CADPS: variants seen among roughly 807,000 people sequenced by gnomAD.
CADPS encodes calcium-dependent secretion activator 1.
Under a neutral mutation model 167.3 loss-of-function variants are expected in CADPS, and 57 were observed. The observed-to-expected ratio is 0.34, with a 90% CI of 0.28 to 0.42. CADPS has a LOEUF of 0.42. Among genes scored for constraint, CADPS ranks in the 20% least tolerant of loss-of-function variants. CADPS has a pLI of 1.00. For missense variants in CADPS, 1,414 were observed against 1,738.1 expected, an observed-to-expected ratio of 0.81 and a Z score of 3.32; for synonymous variants, 676 against 635.3, an observed-to-expected ratio of 1.06 and a Z score of -0.96.
chr3:62,693,052 C>A (rs1215228849), intron 3 of CADPS, among the ~76,000 whole-genome samples: 3 of 151,916 alleles, frequency 2.0e-5, no homozygotes, highest in Admixed American at 2.0e-4. Flanking sequence ...CAAGTTTTTC[C>A]CCATCCCAGA....
intron 21 of CADPS, among the ~76,000 whole-genome samples, chr3:62,490,430 G>A (rs1456384143): frequency 6.6e-6 from 1 of 152,134 alleles, no homozygotes; most frequent in Non-Finnish European, 1.5e-5. Context: ...TATTTTTTCA[G>A]AAAGGGGAGT....
chr3:62,838,205 A>G (rs751102889), intron 1 of CADPS, among the ~76,000 whole-genome samples: 18 of 152,286 alleles, frequency 1.2e-4, no homozygotes, highest in Admixed American at 2.6e-4. Flanking sequence ...TACTGACCTC[A>G]CTAATGAATG....
At chr3:62,779,219 G>T in intron 1 of CADPS, 1 of 271,768 alleles carries the variant, frequency 3.7e-6, no homozygotes, top group South Asian at 5.4e-5. Context: ...TTTTGGGCTG[G>T]AGTGTTTTGA....
intron 1 of CADPS, among the ~76,000 whole-genome samples, chr3:62,860,196 T>C (rs1460829416): frequency 6.6e-6 from 1 of 152,180 alleles, no homozygotes; most frequent in Non-Finnish European, 1.5e-5. Flanking sequence ...ATCCTATTTG[T>C]TCCTCAGCTG....
intron 26 of CADPS, among the ~76,000 whole-genome samples, chr3:62,456,816 G>A (rs1325426761): frequency 1.3e-5 from 2 of 151,066 alleles, no homozygotes; most frequent in African/African-American, 4.9e-5. Flanking sequence ...AAGTAAGATA[G>A]TGTTTGCCAA....
intron 6 of CADPS, among the ~76,000 whole-genome samples, chr3:62,630,325 AT>A (rs1444025750): frequency 6.6e-6 from 1 of 152,078 alleles, no homozygotes; most frequent in Non-Finnish European, 1.5e-5. Flanking sequence ...CCGAATCTGT[AT>A]TTTGCCCCAG....
intron 1 of CADPS, among the ~76,000 whole-genome samples, chr3:62,810,430 G>A (rs906641602): frequency 6.6e-6 from 1 of 152,096 alleles, no homozygotes; most frequent in African/African-American, 2.4e-5. Flanking sequence ...TCATTCATGA[G>A]TATCAATTTC....
At chr3:62,739,170 C>T (rs1286169959) in intron 3 of CADPS, among the ~76,000 whole-genome samples, 5 of 152,182 alleles carry the variant, frequency 3.3e-5, no homozygotes. Context: ...TTCCAGAGTC[C>T]TTGTACTTTC....
intron 6 of CADPS, among the ~76,000 whole-genome samples, chr3:62,604,394 G>A (rs1337407595): frequency 6.6e-6 from 1 of 152,200 alleles, no homozygotes; most frequent in African/African-American, 2.4e-5. Flanking sequence ...GGTGAGGACA[G>A]GAACAATGAC....
chr3:62,839,094 T>G (rs79245595), intron 1 of CADPS, among the ~76,000 whole-genome samples: 6 of 152,190 alleles, frequency 3.9e-5, no homozygotes, highest in Admixed American at 1.3e-4. Context: ...GGGATACACA[T>G]GAAGATGCTT....
At chr3:62,491,757 C>G (rs1275022623) in intron 20 of CADPS, among the ~76,000 whole-genome samples, 2 of 152,034 alleles carry the variant, frequency 1.3e-5, no homozygotes, top group South Asian at 4.1e-4. Flanking sequence ...ACAACAGAAA[C>G]AACAATCCAC....
chr3:62,518,995 A>G (rs2069724225), intron 13 of CADPS, among the ~76,000 whole-genome samples: 1 of 152,208 alleles, frequency 6.6e-6, no homozygotes, highest in African/African-American at 2.4e-5. Flanking sequence ...TTTGATCATC[A>G]TATTCTCATG....
rs536254696 is a variant in CADPS, at chr3:62,778,495, G to A, written c.442-12511C>T. Among the ~76,000 whole-genome samples the A allele has an allele frequency of 2.6e-5, 4 of 152,200 alleles. No individual in the cohort carries two copies. In the South Asian group the frequency reaches 8.3e-4, roughly 32 times the overall value. On this transcript the variant is annotated intron_variant, in intron 1 of 29. Transcript: ENST00000383710. ...CTACTTCAGATCACTTCTCTCTGAT[G>A]GCTCCTTCCAGCCTCTGAATGATAC...
At chr3:62,747,523 A>C (rs1478992459) in intron 3 of CADPS, among the ~76,000 whole-genome samples, 1 of 152,216 alleles carries the variant, frequency 6.6e-6, no homozygotes, top group Non-Finnish European at 1.5e-5. Flanking sequence ...TGTGTTCATC[A>C]AGTTCAAGGA....
intron 1 of CADPS, among the ~76,000 whole-genome samples, chr3:62,797,458 A>G (rs1175352224): frequency 6.6e-6 from 1 of 152,172 alleles, no homozygotes; most frequent in Non-Finnish European, 1.5e-5. Context: ...TTGATAGAGA[A>G]GATAGATATT....
rs6791778 is a variant in CADPS at position 62,836,646 on chromosome 3, G to A, written c.441+37943C>T. 2.0e-3 allele frequency among the ~76,000 whole-genome samples: 308 copies of A among 152,256 alleles called. 2 individuals carry two copies. The highest frequency in any genetic ancestry group is 7.1e-3 in the African/African-American group (294 of 41,558). ...AATCAATGGGGCTGTAGTAAAAGGT[G>A]TCTTTGGAAGCTAAGCTGGAGAAGG... On this transcript the variant is annotated intron_variant, in intron 1 of 29. Transcript: ENST00000383710.
Position 62,765,767 on chromosome 3 carries a change from A to G in CADPS, c.555+104T>C, listed in dbSNP as rs377630588. 23 of 633,422 alleles carry G rather than the reference A, an allele frequency of 3.6e-5. No individual in the cohort carries two copies. The African/African-American group carries it at 3.8e-4, about 10-fold the overall frequency. The allele number at this position is 633,422 out of a possible 1,614,324, so 39.2% of individuals were successfully genotyped here. A position where few individuals can be genotyped will look rare whatever the true frequency, so the allele number is the denominator to read the frequency against. Reference sequence around the variant, plus strand: ...CAACCCATTTGCCTTAGGAAGGATGATACTGTAGTAAACCAAAACGACTGT... The same window carrying G: ...CAACCCATTTGCCTTAGGAAGGATGGTACTGTAGTAAACCAAAACGACTGT... On this transcript the variant is annotated intron_variant, in intron 2 of 29. Transcript: ENST00000383710.
intron 1 of CADPS, among the ~76,000 whole-genome samples, chr3:62,785,773 T>C (rs2092355779): frequency 6.6e-6 from 1 of 152,174 alleles, no homozygotes; most frequent in Non-Finnish European, 1.5e-5. Context: ...ATATTTGATA[T>C]ATGGATCTTT....
At chr3:62,684,595 G>A (rs1362831516) in intron 3 of CADPS, among the ~76,000 whole-genome samples, 1 of 151,896 alleles carries the variant, frequency 6.6e-6, no homozygotes, top group Admixed American at 6.6e-5. Flanking sequence ...CCGAGTAAAG[G>A]GCATACCCAA....
Sources: allele counts gnomAD v4.1 joint callset (sites outside exome capture counted in the v4.1 genomes callset), GRCh38; gene constraint gnomAD v4.1.1; transcripts MANE v1.5; gene names NCBI Gene and HGNC (gene_info 2026-07-23, HGNC 2026-07-21).